The following LRRIQ1 variants were observed in gnomAD, a reference collection of about 807,000 sequenced individuals.
LRRIQ1 encodes leucine rich repeats and IQ motif containing 1, also known as leucine-rich repeat- and IQ domain-containing protein 1.
Under a neutral mutation model 211.9 loss-of-function variants are expected in LRRIQ1, and 210 were observed. That is an observed-to-expected ratio of 0.99 (90% CI 0.89 to 1.11). The LOEUF (loss-of-function observed/expected upper bound fraction) is 1.11, where lower values mean the gene tolerates loss of function less well. LRRIQ1 is among the 50% of genes most tolerant of loss of function. The pLI, the probability that LRRIQ1 is intolerant of heterozygous loss-of-function variation, is 0.00. For synonymous variants in LRRIQ1, 699 were observed against 650.1 expected, an observed-to-expected ratio of 1.08 and a Z score of -1.14; for missense variants, 2,136 against 1,939.5, an observed-to-expected ratio of 1.10 and a Z score of -1.90.
At chr12:85,226,089 C>T (rs551189172) in intron 24 of LRRIQ1, among the ~76,000 whole-genome samples, 97 of 152,208 alleles carry the variant, frequency 6.4e-4, no homozygotes, top group Middle Eastern at 6.8e-3. Flanking sequence ...CTCCTTTTTA[C>T]TCAGGAATTG....
intron 14 of LRRIQ1, among the ~76,000 whole-genome samples, chr12:85,104,526 T>C (rs2136312059): frequency 6.6e-6 from 1 of 152,072 alleles, no homozygotes; most frequent in South Asian, 2.1e-4. Context: ...CACATTAATT[T>C]TGTCTTTATA....
chr12:85,222,589 C>T (rs140633012), intron 24 of LRRIQ1, among the ~76,000 whole-genome samples: 13 of 152,058 alleles, frequency 8.5e-5, no homozygotes, highest in Non-Finnish European at 1.3e-4. Context: ...AAAGCCATAA[C>T]GCAGATGGCA....
In LRRIQ1 at chr12:85,073,089, TA is replaced by T. The variant is rs1184635976; in HGVS notation, c.2879del (p.Tyr960SerfsTer6). ...TTGTAATTTCCTTATCTCCCACTTA[TA>T]CTGGAATTGTAAGTTGTGTTTATTT... ...SDCNFLISHLYWNCGLESLKN... is the reference protein window; with the variant it reads ...SDCNFLISHLXWNCGLESLKN... On this transcript the variant is annotated frameshift_variant, in exon 11 of 27. Coordinates refer to ENST00000393217, the MANE Select transcript of LRRIQ1 (RefSeq NM_001079910.2). LOFTEE classifies it high-confidence loss of function. 1.3e-6 allele frequency: 2 copies of T among 1,595,348 alleles called. No homozygotes were observed. Among genetic ancestry groups the T allele is most frequent in the African/African-American group, 2.7e-5 (2 of 74,048 alleles).
At chr12:85,102,953 A>T (rs1449112252) in intron 13 of LRRIQ1, among the ~76,000 whole-genome samples, 1,784 of 118,278 alleles carry the variant, frequency 0.015, 56 homozygotes, top group East Asian at 0.11. Flanking sequence ...GCAAAAAAAA[A>T]AAAAAAATAT....
intron 15 of LRRIQ1, among the ~76,000 whole-genome samples, chr12:85,117,220 A>AGT (rs1410974919): frequency 6.6e-6 from 1 of 152,180 alleles, no homozygotes; most frequent in African/African-American, 2.4e-5. Flanking sequence ...TAGCAGCCAG[A>AGT]GTGTTATCTT....
At chr12:85,130,504 T>C (rs1255120004) in intron 18 of LRRIQ1, among the ~76,000 whole-genome samples, 2 of 152,206 alleles carry the variant, frequency 1.3e-5, no homozygotes, top group African/African-American at 4.8e-5. Context: ...TAGTTGTGAC[T>C]GATACCTCTG....
chr12:85,137,418 G>A (rs773752513), intron 18 of LRRIQ1, among the ~76,000 whole-genome samples: 11 of 151,156 alleles, frequency 7.3e-5, no homozygotes, highest in Non-Finnish European at 1.5e-4. Context: ...ATCATTATAG[G>A]CCATAATACT....
intron 24 of LRRIQ1, among the ~76,000 whole-genome samples, chr12:85,224,432 A>G (rs1161094070): frequency 6.6e-6 from 1 of 152,202 alleles, no homozygotes; most frequent in Non-Finnish European, 1.5e-5. Context: ...AGACACATCC[A>G]TACATATGTT....
intron 11 of LRRIQ1, among the ~76,000 whole-genome samples, chr12:85,074,759 A>G (rs1883457319): frequency 6.6e-6 from 1 of 152,108 alleles, no homozygotes; most frequent in African/African-American, 2.4e-5. Flanking sequence ...GATGTGGCAA[A>G]AAATATATTG....
rs1249472049 is a variant in LRRIQ1, at chr12:85,087,261, A to G, written c.2888-11094A>G. 5.3e-5 allele frequency among the ~76,000 whole-genome samples: 8 copies of G among 152,294 alleles called. No individual in the cohort carries two copies. The East Asian group carries it at 1.5e-3, about 29-fold the overall frequency. On this transcript the variant is annotated intron_variant, in intron 11 of 26. Coordinates refer to ENST00000393217, the MANE Select transcript of LRRIQ1 (RefSeq NM_001079910.2). ...TCCAGCTTCATCCATGTCCCTACAA[A>G]GGACATGAACTCATCATTTTTTTAT...
chr12:85,238,562 A>T (rs1267725140), intron 26 of LRRIQ1, among the ~76,000 whole-genome samples: 1 of 152,102 alleles, frequency 6.6e-6, no homozygotes, highest in Non-Finnish European at 1.5e-5. Flanking sequence ...TCCAGAAGAA[A>T]GTGGAAGAAA....
intron 11 of LRRIQ1, among the ~76,000 whole-genome samples, chr12:85,082,188 A>T (rs1312668885): frequency 1.3e-5 from 2 of 152,016 alleles, no homozygotes; most frequent in Non-Finnish European, 2.9e-5. Flanking sequence ...TCTAGGTCGA[A>T]GTTTATTTCA....
intron 11 of LRRIQ1, among the ~76,000 whole-genome samples, chr12:85,076,780 ATT>A (rs35461127): frequency 0.011 from 1,596 of 145,888 alleles, 17 homozygotes; most frequent in African/African-American, 0.031. Flanking sequence ...CTATTCAGTG[ATT>A]TTTTTTTTTT....
At chr12:85,213,306 T>C (rs568479424) in intron 24 of LRRIQ1, among the ~76,000 whole-genome samples, 1 of 152,070 alleles carries the variant, frequency 6.6e-6, no homozygotes, top group African/African-American at 2.4e-5. Flanking sequence ...TATGATACTT[T>C]TAATAAACTA....
chr12:85,249,872 T>C (rs748818150), downstream of LRRIQ1, among the ~76,000 whole-genome samples: 1 of 151,940 alleles, frequency 6.6e-6, no homozygotes, highest in Non-Finnish European at 1.5e-5. Context: ...TTAATCGACA[T>C]GAAGATGGAA....
At chr12:85,231,849 A>G (rs947487446) in intron 25 of LRRIQ1, among the ~76,000 whole-genome samples, 3 of 152,090 alleles carry the variant, frequency 2.0e-5, no homozygotes, top group African/African-American at 4.8e-5. Context: ...CCAGCACCCA[A>G]CGTTGCTACA....
intron 24 of LRRIQ1, among the ~76,000 whole-genome samples, chr12:85,201,473 T>C (rs1275223567): frequency 2.6e-5 from 4 of 152,126 alleles, no homozygotes; most frequent in Non-Finnish European, 5.9e-5. Flanking sequence ...GAATTCATTA[T>C]TGGTCTCTTT....
intron 11 of LRRIQ1, among the ~76,000 whole-genome samples, chr12:85,077,243 G>A (rs1265558956): frequency 1.3e-5 from 2 of 152,164 alleles, no homozygotes; most frequent in Non-Finnish European, 2.9e-5. Context: ...GCTCATTTCT[G>A]TGGGAAGAAT....
At chr12:85,131,899 TAGA>T (rs1280924496) in intron 18 of LRRIQ1, among the ~76,000 whole-genome samples, 16 of 152,018 alleles carry the variant, frequency 1.1e-4, no homozygotes, top group Admixed American at 9.2e-4. Flanking sequence ...ATAAATAAGT[TAGA>T]AGAAGAATAT....
Sources: gnomAD v4.1 joint callset for allele counts (sites outside exome capture counted in the v4.1 genomes callset) on GRCh38, gnomAD v4.1.1 for gene constraint, MANE v1.5 for transcripts, NCBI Gene and HGNC (gene_info 2026-07-23, HGNC 2026-07-21) for gene names.